Variants in CLPB observed in about 807,000 individuals in gnomAD.
The protein encoded by CLPB is mitochondrial disaggregase.
A neutral mutation model predicts 78.4 loss-of-function variants in CLPB; 40 were observed. The observed-to-expected ratio is 0.51, with a 90% CI of 0.40 to 0.66. The LOEUF is 0.66. Among genes scored for constraint, CLPB ranks in the 30% least tolerant of loss-of-function variants. The pLI, the probability that CLPB is intolerant of heterozygous loss-of-function variation, is 0.00. For missense variants in CLPB, 780 were observed against 886.9 expected (o/e 0.88, Z 1.53); for synonymous variants, 333 against 348.0 (o/e 0.96, Z 0.48).
chr11:72,395,997 G>A (rs531956359), intron 3 of CLPB, among the ~76,000 whole-genome samples: 2 of 152,210 alleles, frequency 1.3e-5, no homozygotes, highest in South Asian at 2.1e-4. Flanking sequence ...TTAGGCTATC[G>A]GTTTTTTAAA....
At chr11:72,331,570 G>GTTTTT (rs71062765) in intron 5 of CLPB, among the ~76,000 whole-genome samples, 1 of 49,380 alleles carries the variant, frequency 2.0e-5, no homozygotes. Flanking sequence ...TTTCTTTTCT[G>GTTTTT]TTTTTTTTTT....
chr11:72,367,614 G>A (rs1216242153), intron 4 of CLPB, among the ~76,000 whole-genome samples: 1 of 152,122 alleles, frequency 6.6e-6, no homozygotes, highest in Non-Finnish European at 1.5e-5. Flanking sequence ...CTTAGAGGAG[G>A]GAGGGATGAA....
chr11:72,380,200 G>T, intron 4 of CLPB, 81 bp downstream of exon 4: 2 of 1,055,716 alleles, frequency 1.9e-6, no homozygotes, highest in Admixed American at 3.6e-5. Context: ...TGAGTTGCTG[G>T]TAGAGCTGAC....
intron 7 of CLPB, among the ~76,000 whole-genome samples, chr11:72,316,140 C>A (rs1949937465): frequency 6.6e-6 from 1 of 152,208 alleles, no homozygotes; most frequent in Non-Finnish European, 1.5e-5. Flanking sequence ...AGGCATACCA[C>A]ACGACCAGGT....
At chr11:72,299,119 T>C (rs1166246280) in intron 11 of CLPB, among the ~76,000 whole-genome samples, 1 of 152,220 alleles carries the variant, frequency 6.6e-6, no homozygotes, top group East Asian at 1.9e-4. Context: ...GGCTTCCCAC[T>C]GTGTTCGCCG....
intron 6 of CLPB, among the ~76,000 whole-genome samples, chr11:72,317,989 G>C (rs1949979224): frequency 6.6e-6 from 1 of 152,266 alleles, no homozygotes; most frequent in African/African-American, 2.4e-5. Context: ...GGCATGGCCT[G>C]CACACAAATA....
At chr11:72,320,212 C>T (rs537336143) in intron 6 of CLPB, among the ~76,000 whole-genome samples, 3 of 152,364 alleles carry the variant, frequency 2.0e-5, no homozygotes, top group African/African-American at 7.2e-5. Flanking sequence ...CCCTTTGCCA[C>T]AGGCAAAGTC....
intron 4 of CLPB, among the ~76,000 whole-genome samples, chr11:72,364,896 C>T (rs1179902011): frequency 6.6e-6 from 1 of 152,162 alleles, no homozygotes; most frequent in African/African-American, 2.4e-5. Context: ...TCACAAGAGT[C>T]AATGGCAAAC....
intron 7 of CLPB, among the ~76,000 whole-genome samples, chr11:72,311,284 C>T (rs1312608548): frequency 1.3e-5 from 2 of 152,100 alleles, no homozygotes; most frequent in South Asian, 4.1e-4. Flanking sequence ...GGGACAGAGA[C>T]CTGCATGGGC....
At chr11:72,361,303 C>T (rs1283127788) in intron 4 of CLPB, among the ~76,000 whole-genome samples, 2 of 152,204 alleles carry the variant, frequency 1.3e-5, no homozygotes, top group Admixed American at 6.5e-5. Context: ...TGTTATCTGA[C>T]CTTTCCTGGA....
At chr11:72,327,308 T>G (rs190166720) in intron 6 of CLPB, among the ~76,000 whole-genome samples, 19 of 152,316 alleles carry the variant, frequency 1.2e-4, no homozygotes, top group African/African-American at 3.8e-4. Context: ...ACCATCAGCT[T>G]TCTCTCATGG....
At chr11:72,355,169 C>T (rs1402325277) in intron 5 of CLPB, 3 of 152,146 alleles carry the variant, frequency 2.0e-5, no homozygotes, top group Non-Finnish European at 2.9e-5. Flanking sequence ...GAAAATGAGA[C>T]GACGTTAAGC....
At chr11:72,400,802 T>C (rs895140730) in intron 3 of CLPB, among the ~76,000 whole-genome samples, 1 of 152,194 alleles carries the variant, frequency 6.6e-6, no homozygotes. Context: ...CTCCAAAGAA[T>C]ATGGTGAGGA....
chr11:72,424,126 G>A (rs937478438), intron 2 of CLPB, among the ~76,000 whole-genome samples: 6 of 152,182 alleles, frequency 3.9e-5, no homozygotes, highest in African/African-American at 1.2e-4. Flanking sequence ...TTTTCACTTA[G>A]CATATTTTCA....
intron 2 of CLPB, among the ~76,000 whole-genome samples, chr11:72,405,332 G>A (rs918058845): frequency 5.1e-4 from 77 of 152,358 alleles, no homozygotes; most frequent in African/African-American, 1.8e-3. Context: ...TCGAATGTCA[G>A]ACTAGGAGGC....
intron 3 of CLPB, among the ~76,000 whole-genome samples, chr11:72,390,631 A>T (rs1479107285): frequency 6.6e-6 from 1 of 152,194 alleles, no homozygotes; most frequent in Admixed American, 6.5e-5. Flanking sequence ...TATCACTGTA[A>T]ATTCAACATA....
chr11:72,422,291 A>AAAC (rs1856233170), intron 2 of CLPB, among the ~76,000 whole-genome samples: 1 of 150,446 alleles, frequency 6.6e-6, no homozygotes, highest in Non-Finnish European at 1.5e-5. Flanking sequence ...AAAAAAAAAA[A>AAAC]CTAGGGAACT....
chr11:72,430,259 C>T (rs562840977), intron 2 of CLPB, 53 bp downstream of exon 2: 11 of 1,530,928 alleles, frequency 7.2e-6, no homozygotes, highest in African/African-American at 2.7e-5. Flanking sequence ...AGAAGAGGCT[C>T]GCCCTGCTCA....
At chr11:72,389,268 C>T (rs974867400) in intron 3 of CLPB, among the ~76,000 whole-genome samples, 1 of 152,182 alleles carries the variant, frequency 6.6e-6, no homozygotes, top group Non-Finnish European at 1.5e-5. Context: ...AGTCAGCCCA[C>T]CTGGCTGATA....
Sources: gnomAD v4.1 joint callset for allele counts (sites outside exome capture counted in the v4.1 genomes callset) on GRCh38, gnomAD v4.1.1 for gene constraint, MANE v1.5 for transcripts, NCBI Gene and HGNC (gene_info 2026-07-23, HGNC 2026-07-21) for gene names.